The following ZRANB3 variants were observed in gnomAD, a reference collection of about 807,000 sequenced individuals.
The protein encoded by ZRANB3 is DNA annealing helicase and endonuclease ZRANB3.
ZRANB3 carries 125 observed loss-of-function variants against 133.8 expected under a neutral mutation model. The ratio of observed to expected loss-of-function variants is 0.93; its 90% confidence interval spans 0.81 to 1.08. The LOEUF (loss-of-function observed/expected upper bound fraction) is 1.08. ZRANB3 is among the 50% of genes least tolerant of loss of function. The pLI, the probability that ZRANB3 is intolerant of heterozygous loss-of-function variation, is 0.00. For synonymous variants in ZRANB3, 387 were observed against 432.7 expected, an observed-to-expected ratio of 0.89 and a Z score of 1.31; for missense variants, 1,229 against 1,275.5, an observed-to-expected ratio of 0.96 and a Z score of 0.56.
At chr2:135,343,522 T>C (rs1038982714) in intron 6 of ZRANB3, among the ~76,000 whole-genome samples, 2 of 149,648 alleles carry the variant, frequency 1.3e-5, no homozygotes, top group Admixed American at 6.6e-5. Context: ...AAGAATTCTA[T>C]CTTTGTACTT....
intron 7 of ZRANB3, 151 bp downstream of exon 7, chr2:135,315,208 G>A (rs1228917450): frequency 1.5e-6 from 1 of 679,716 alleles, no homozygotes; most frequent in Non-Finnish European, 2.1e-6. Context: ...CTTTCTTGCT[G>A]AAATACAAAA....
At chr2:135,418,991 G>A (rs1287995445) in intron 2 of ZRANB3, among the ~76,000 whole-genome samples, 1 of 130,284 alleles carries the variant, frequency 7.7e-6, no homozygotes, top group Admixed American at 9.1e-5. Flanking sequence ...AGGCTGGAGT[G>A]CAGTGGTGCG....
intron 3 of ZRANB3, among the ~76,000 whole-genome samples, chr2:135,366,586 T>C (rs1685948173): frequency 6.6e-6 from 1 of 152,092 alleles, no homozygotes; most frequent in South Asian, 2.1e-4. Flanking sequence ...CAAAATCAAT[T>C]TGTTATTCTA....
At chr2:135,491,518 GTA>G (rs1273112905) in intron 2 of ZRANB3, among the ~76,000 whole-genome samples, 1 of 149,402 alleles carries the variant, frequency 6.7e-6, no homozygotes, top group Non-Finnish European at 1.5e-5. Flanking sequence ...CTAATTTTTT[GTA>G]TTTTTTTTTT....
Position 135,350,224 on chromosome 2 carries a change from G to T in ZRANB3, c.360-9C>A. The stretch of plus-strand genomic sequence containing the variant: ...TACTGGTCGACATTCTCCTAGAAAA[G>T]AAAATCCATGTACTTAAAAAATATC... On this transcript the variant is annotated splice_polypyrimidine_tract_variant and intron_variant, in intron 4 of 20. Coordinates refer to ENST00000264159, the MANE Select transcript of ZRANB3 (RefSeq NM_032143.4). 6.4e-7 allele frequency: 1 copy of T among 1,555,264 alleles called. No individual in the cohort carries two copies. Among genetic ancestry groups the T allele is most frequent in the South Asian group, 1.2e-5 (1 of 85,708 alleles).
intron 8 of ZRANB3, among the ~76,000 whole-genome samples, chr2:135,308,813 A>C (rs1332069533): frequency 2.0e-5 from 3 of 151,820 alleles, no homozygotes; most frequent in Non-Finnish European, 4.4e-5. Flanking sequence ...GTGCTAGAAC[A>C]TTAGCTATTT....
At chr2:135,438,791 T>G (rs1469559953) in intron 2 of ZRANB3, among the ~76,000 whole-genome samples, 1 of 152,108 alleles carries the variant, frequency 6.6e-6, no homozygotes, top group Non-Finnish European at 1.5e-5. Context: ...TAAAAAAATA[T>G]CTCTGAGGCC....
At chr2:135,513,718 G>A (rs1207847274) in intron 1 of ZRANB3, among the ~76,000 whole-genome samples, 1 of 152,114 alleles carries the variant, frequency 6.6e-6, no homozygotes, top group East Asian at 1.9e-4. Context: ...GTCCTGAATG[G>A]TATTGCCTAG....
chr2:135,462,934 T>G (rs1440510851), intron 2 of ZRANB3, among the ~76,000 whole-genome samples: 1 of 152,212 alleles, frequency 6.6e-6, no homozygotes, highest in African/African-American at 2.4e-5. Flanking sequence ...CTCTAGCTCA[T>G]TCACTAATAA....
intron 6 of ZRANB3, among the ~76,000 whole-genome samples, chr2:135,319,597 G>A (rs994409426): frequency 2.0e-5 from 3 of 151,748 alleles, no homozygotes; most frequent in East Asian, 1.9e-4. Context: ...AGAATTATTC[G>A]CAGATTATCC....
At chr2:135,440,314 A>C (rs1294982045) in intron 2 of ZRANB3, among the ~76,000 whole-genome samples, 2 of 151,970 alleles carry the variant, frequency 1.3e-5, no homozygotes, top group Non-Finnish European at 2.9e-5. Context: ...AATGAGAATC[A>C]CTTGAACCCA....
intron 12 of ZRANB3, among the ~76,000 whole-genome samples, chr2:135,238,454 C>T (rs541406109): frequency 3.0e-4 from 45 of 147,564 alleles, no homozygotes; most frequent in African/African-American, 4.3e-4. Context: ...AGTACAATGG[C>T]GCAATCTTGG....
At chr2:135,432,511 T>C (rs1689365396) in intron 2 of ZRANB3, among the ~76,000 whole-genome samples, 2 of 152,138 alleles carry the variant, frequency 1.3e-5, no homozygotes, top group East Asian at 1.9e-4. Context: ...GACTTCCTAA[T>C]AATAATAACA....
rs879894899 is a variant in ZRANB3 at position 135,482,412 on chromosome 2, C to G, written c.161+21917G>C. Among the ~76,000 whole-genome samples the G allele has an allele frequency of 1.4e-4, 21 of 148,308 alleles. No homozygotes were observed. The East Asian group carries it at 1.6e-3, about 11-fold the overall frequency. ...GGGAGTTCACTCATGATTTGGCTCT[C>G]TGTTTGTCTGTTGATGGTGTATAAG... is the stretch of plus-strand genomic sequence containing the variant. On this transcript the variant is annotated intron_variant, in intron 2 of 20. Transcript: ENST00000264159.
chr2:135,360,481 G>A (rs577915256), intron 3 of ZRANB3, among the ~76,000 whole-genome samples: 41 of 151,772 alleles, frequency 2.7e-4, no homozygotes, highest in African/African-American at 9.4e-4. Context: ...CAAGGTGGGC[G>A]GATCACAAGG....
chr2:135,224,178 G>A (rs543293998), intron 15 of ZRANB3, among the ~76,000 whole-genome samples: 1 of 152,282 alleles, frequency 6.6e-6, no homozygotes, highest in South Asian at 2.1e-4. Flanking sequence ...GAGCAGTTGA[G>A]TAATGTGTCC....
chr2:135,230,269 T>C (rs376856357), intron 13 of ZRANB3, among the ~76,000 whole-genome samples: 7 of 152,354 alleles, frequency 4.6e-5, no homozygotes, highest in Non-Finnish European at 8.8e-5. Flanking sequence ...GAAATGTCCA[T>C]TTGTGCCAAA....
At chr2:135,209,084 CAA>C in intron 17 of ZRANB3, 106 bp from the exon 18 acceptor site, 1 of 1,053,700 alleles carries the variant, frequency 9.5e-7, no homozygotes, top group Non-Finnish European at 1.4e-6. Flanking sequence ...AAAGCAAGCA[CAA>C]TTCTATTAAC....
At chr2:135,389,196 C>T (rs1022960752) in intron 3 of ZRANB3, among the ~76,000 whole-genome samples, 1 of 152,164 alleles carries the variant, frequency 6.6e-6, no homozygotes, top group Non-Finnish European at 1.5e-5. Flanking sequence ...CTTGTTTCTC[C>T]AATTATATCG....
Sources: gnomAD v4.1 joint callset for allele counts (sites outside exome capture counted in the v4.1 genomes callset) on GRCh38, gnomAD v4.1.1 for gene constraint, MANE v1.5 for transcripts, NCBI Gene and HGNC (gene_info 2026-07-23, HGNC 2026-07-21) for gene names.